CCSER1: variants seen among roughly 807,000 people sequenced by gnomAD.
CCSER1 encodes coiled-coil serine rich protein 1, also known as serine-rich coiled-coil domain-containing protein 1.
In CCSER1, 41 loss-of-function variants were observed where a neutral mutation model predicts 82.0. That is an observed-to-expected ratio of 0.50 (90% confidence interval 0.39 to 0.65). The LOEUF (loss-of-function observed/expected upper bound fraction) is 0.65, where lower values mean the gene tolerates loss of function less well. CCSER1 is among the 30% of genes least tolerant of loss of function. CCSER1 has a pLI of 0.00. For synonymous variants in CCSER1, 414 were observed against 383.9 expected (o/e 1.08, Z -0.92); for missense variants, 1,119 against 1,064.2 (o/e 1.05, Z -0.72).
chr4:90,601,293 A>ATG (rs373051091), intron 5 of CCSER1, among the ~76,000 whole-genome samples: 73 of 150,598 alleles, frequency 4.8e-4, no homozygotes, highest in South Asian at 1.3e-3. Flanking sequence ...CTGTGTATGT[A>ATG]TGTGTGTGTG....
rs190184840 is a variant in CCSER1, at chr4:90,990,881, G to A, written c.2172+67434G>A. Among the ~76,000 whole-genome samples the A allele has an allele frequency of 6.7e-4, 102 of 151,992 alleles. 1 individual carries two copies. The East Asian group carries it at 0.014, about 20-fold the overall frequency. On this transcript the variant is annotated intron_variant, in intron 9 of 10. Transcript: ENST00000509176. ...GGGGTTGAGTCTGAGACTAGGAAGT[G>A]GCAGCAGAATTTTTAAATTTCTAAT...
chr4:90,559,540 G>A (rs1778486637), intron 5 of CCSER1, among the ~76,000 whole-genome samples: 1 of 152,112 alleles, frequency 6.6e-6, no homozygotes. Context: ...GGGCTGAGAG[G>A]CAGGACATAG....
At chr4:90,571,557 A>G (rs1266242681) in intron 5 of CCSER1, among the ~76,000 whole-genome samples, 9 of 152,194 alleles carry the variant, frequency 5.9e-5, no homozygotes, top group Admixed American at 5.9e-4. Flanking sequence ...GAACACATGG[A>G]CATAAAGATG....
chr4:91,289,663 C>T (rs934169432), intron 10 of CCSER1, among the ~76,000 whole-genome samples: 3 of 151,200 alleles, frequency 2.0e-5, no homozygotes, highest in Admixed American at 1.3e-4. Context: ...CCAACTGAAA[C>T]ACAAAAGGAA....
intron 10 of CCSER1, among the ~76,000 whole-genome samples, chr4:91,425,594 G>T (rs1004348260): frequency 2.0e-5 from 3 of 151,836 alleles, no homozygotes; most frequent in Non-Finnish European, 4.4e-5. Context: ...GGACAAAATG[G>T]TCACTAGTAA....
rs143292838 is a variant in CCSER1 at position 90,900,547 on chromosome 4, G to A, written c.2095-22823G>A. On this transcript the variant is annotated intron_variant, in intron 8 of 10. Transcript: ENST00000509176. ...TTAAATTTCTGCTTTAGTTATTTGC[G>A]CAAAAGTCATTCAGGAGCAAGTTGG... Among the ~76,000 whole-genome samples, 520 of 151,536 alleles carry A rather than the reference G, an allele frequency of 3.4e-3. 10 individuals are homozygous for A. Among genetic ancestry groups the A allele is most frequent in the Admixed American group, 0.031 (468 of 15,180 alleles).
intron 3 of CCSER1, among the ~76,000 whole-genome samples, chr4:90,386,236 C>T (rs762127523): frequency 5.9e-5 from 9 of 152,146 alleles, no homozygotes; most frequent in Non-Finnish European, 1.2e-4. Flanking sequence ...CTGGAGGCAT[C>T]GCATTACCTT....
chr4:90,477,475 C>T (rs1467743709), intron 5 of CCSER1, among the ~76,000 whole-genome samples: 1 of 152,140 alleles, frequency 6.6e-6, no homozygotes, highest in Non-Finnish European at 1.5e-5. Context: ...ATAAAAATTA[C>T]CAGATTTAAT....
intron 9 of CCSER1, among the ~76,000 whole-genome samples, chr4:91,036,366 T>C (rs1186762438): frequency 5.3e-5 from 8 of 152,206 alleles, no homozygotes; most frequent in Non-Finnish European, 7.3e-5. Context: ...TTTAAATCTA[T>C]AAATTCTAAT....
intron 10 of CCSER1, among the ~76,000 whole-genome samples, chr4:91,110,744 G>A (rs756586688): frequency 3.3e-5 from 5 of 151,866 alleles, no homozygotes; most frequent in Non-Finnish European, 7.4e-5. Flanking sequence ...CCCAATAAAT[G>A]TTTGTTGAGT....
intron 10 of CCSER1, among the ~76,000 whole-genome samples, chr4:91,574,802 G>A (rs1440163214): frequency 1.3e-5 from 2 of 151,858 alleles, no homozygotes; most frequent in African/African-American, 4.8e-5. Flanking sequence ...TCATTACGTG[G>A]ATTATGGGAT....
chr4:90,352,154 C>T (rs1743569281), intron 3 of CCSER1, among the ~76,000 whole-genome samples: 1 of 152,178 alleles, frequency 6.6e-6, no homozygotes, highest in South Asian at 2.1e-4. Context: ...GAAACCCCGT[C>T]TGTACTAAAA....
At chr4:90,365,131 A>G (rs540044118) in intron 3 of CCSER1, among the ~76,000 whole-genome samples, 2 of 151,988 alleles carry the variant, frequency 1.3e-5, no homozygotes, top group East Asian at 1.9e-4. Flanking sequence ...AAAGGAAATT[A>G]TTTTTGAGTT....
intron 9 of CCSER1, among the ~76,000 whole-genome samples, chr4:90,975,804 G>T (rs72884708): frequency 6.6e-6 from 1 of 151,116 alleles, no homozygotes; most frequent in African/African-American, 2.4e-5. Context: ...ATGTATATTT[G>T]TAACAATATT....
intron 10 of CCSER1, among the ~76,000 whole-genome samples, chr4:91,491,716 TA>T (rs1758553741): frequency 6.6e-6 from 1 of 152,104 alleles, no homozygotes; most frequent in Non-Finnish European, 1.5e-5. Context: ...CTTTGGCCAG[TA>T]GGAGCTGAAG....
Position 91,496,652 on chromosome 4 carries a change from TA to T in CCSER1, c.2218-101919del, listed in dbSNP as rs1231946897. On this transcript the variant is annotated intron_variant, in intron 10 of 10. Transcript: ENST00000509176. ...TTTGAATATATATATATTCAATATA[TA>T]TTGAATATATATATATTCAATATAT... Among the ~76,000 whole-genome samples the T allele has an allele frequency of 0.011, 313 of 28,296 alleles. 89 individuals carry two copies. In the East Asian group the frequency reaches 0.18, roughly 17 times the overall value. The allele number at this position is 28,296 out of a possible 152,430, so 18.6% of individuals were successfully genotyped here.
chr4:91,549,941 C>T (rs1177079984), intron 10 of CCSER1, among the ~76,000 whole-genome samples: 6 of 150,312 alleles, frequency 4.0e-5, no homozygotes, highest in African/African-American at 1.5e-4. Flanking sequence ...TTTTTTCCTT[C>T]CTGCATTAAG....
At chr4:91,000,968 G>T (rs1013983885) in intron 9 of CCSER1, among the ~76,000 whole-genome samples, 5 of 152,116 alleles carry the variant, frequency 3.3e-5, no homozygotes, top group Non-Finnish European at 5.9e-5. Context: ...TGTTTAATAA[G>T]GGGTGCTGAG....
chr4:90,431,940 G>T (rs917686807), intron 4 of CCSER1, among the ~76,000 whole-genome samples: 1 of 152,072 alleles, frequency 6.6e-6, no homozygotes, highest in Admixed American at 6.6e-5. Flanking sequence ...ACTAATGCTG[G>T]CAAACTCTGG....
Sources: gnomAD v4.1 joint callset for allele counts (sites outside exome capture counted in the v4.1 genomes callset) on GRCh38, gnomAD v4.1.1 for gene constraint, MANE v1.5 for transcripts, NCBI Gene and HGNC (gene_info 2026-07-23, HGNC 2026-07-21) for gene names.